XKR4: variants seen among roughly 807,000 people sequenced by gnomAD.
The protein encoded by XKR4 is XK related 4, also known as XK-related protein 4.
Under a neutral mutation model 53.9 loss-of-function variants are expected in XKR4, and 12 were observed. The ratio of observed to expected loss-of-function variants is 0.22; its 90% confidence interval spans 0.14 to 0.36. The LOEUF (loss-of-function observed/expected upper bound fraction) is 0.36. XKR4 is among the 10% of genes least tolerant of loss of function. The probability of loss-of-function intolerance (pLI) is 1.00; values close to 1 mark genes in which losing one functional copy is unlikely to be tolerated. For synonymous variants in XKR4, 354 were observed against 362.4 expected (o/e 0.98, Z 0.26); for missense variants, 799 against 859.5 (o/e 0.93, Z 0.88).
At chr8:55,375,902 CCA>C (rs1210310508) in intron 2 of XKR4, among the ~76,000 whole-genome samples, 6 of 151,968 alleles carry the variant, frequency 3.9e-5, no homozygotes, top group Non-Finnish European at 8.8e-5. Flanking sequence ...CTAACAGGCC[CCA>C]GTGTGTGTTG....
In XKR4 at chr8:55,231,201, T is replaced by C. The variant is rs118176295; in HGVS notation, c.807-126477T>C. Among the ~76,000 whole-genome samples, 816 of 152,360 alleles carry C rather than the reference T, an allele frequency of 5.4e-3. 6 individuals carry two copies. The highest frequency in any genetic ancestry group is 9.7e-3 in the Non-Finnish European group (659 of 68,026). On this transcript the variant is annotated intron_variant, in intron 1 of 2. Transcript: ENST00000327381. Reference sequence around the variant, plus strand: ...GTCTCATAAACTCAAAATTAAAATATTGAGGCTTATAGGCAAGCATTTATC... The same window carrying C: ...GTCTCATAAACTCAAAATTAAAATACTGAGGCTTATAGGCAAGCATTTATC...
At chr8:55,346,559 A>C (rs1585531924) in intron 1 of XKR4, among the ~76,000 whole-genome samples, 1 of 152,244 alleles carries the variant, frequency 6.6e-6, no homozygotes, top group East Asian at 1.9e-4. Context: ...AGAAGGCAGA[A>C]GCCTAATATC....
Position 55,256,676 on chromosome 8 carries a change from G to A in XKR4, c.807-101002G>A, listed in dbSNP as rs527688984. On this transcript the variant is annotated intron_variant, in intron 1 of 2. Transcript: ENST00000327381. Reference sequence around the variant, plus strand: ...TAGGGGGATGAGGCAAGTCTGAGATGCCTACTAAATGCTAAAGGTGGTGGA... The same window carrying A: ...TAGGGGGATGAGGCAAGTCTGAGATACCTACTAAATGCTAAAGGTGGTGGA... Among the ~76,000 whole-genome samples, 14 of 152,282 alleles carry A rather than the reference G, an allele frequency of 9.2e-5. No homozygotes were observed. The South Asian group carries it at 2.9e-3, about 32-fold the overall frequency.
intron 1 of XKR4, among the ~76,000 whole-genome samples, chr8:55,112,399 T>C (rs1196621821): frequency 6.6e-6 from 1 of 152,020 alleles, no homozygotes; most frequent in Non-Finnish European, 1.5e-5. Context: ...TGGTTTGACT[T>C]CCCCTCAAGT....
intron 1 of XKR4, among the ~76,000 whole-genome samples, chr8:55,230,038 G>A (rs16921461): frequency 0.26 from 39,741 of 151,950 alleles, 5,539 homozygotes; most frequent in East Asian, 0.49. Flanking sequence ...CTCTATGTGG[G>A]TTGTGTTGCA....
rs1806892062 is a variant in XKR4, at chr8:55,527,200, A to T, written c.*2973A>T. 6.9e-6 allele frequency: 1 copy of T among 144,254 alleles called. No individual in the cohort carries two copies. Among genetic ancestry groups the T allele is most frequent in the Non-Finnish European group, 1.6e-5 (1 of 63,710 alleles). 8.9% of individuals were successfully genotyped at this position (144,254 alleles called of 1,614,324 possible). A position where few individuals can be genotyped will look rare whatever the true frequency, so the allele number is the denominator to read the frequency against. On this transcript the variant is annotated 3_prime_UTR_variant, in exon 3 of 3. Coordinates refer to ENST00000327381, the MANE Select transcript of XKR4 (RefSeq NM_052898.2). ...ATTTAAAGAGACATCATCAGTGTAC[A>T]AAGAAACAAAGTTTCATTTTTGTAT...
chr8:55,108,295 A>G (rs1816183264), intron 1 of XKR4, among the ~76,000 whole-genome samples: 1 of 152,170 alleles, frequency 6.6e-6, no homozygotes, highest in Non-Finnish European at 1.5e-5. Flanking sequence ...GTTGGGCCAG[A>G]TAATGAAAGG....
chr8:55,436,381 A>G (rs1369005723), intron 2 of XKR4, among the ~76,000 whole-genome samples: 1 of 152,200 alleles, frequency 6.6e-6, no homozygotes, highest in African/African-American at 2.4e-5. Context: ...TTAAGGAAAG[A>G]GGAATTTAAA....
At chr8:55,453,802 G>T in intron 2 of XKR4, 1 of 448,950 alleles carries the variant, frequency 2.2e-6, no homozygotes, top group East Asian at 5.7e-5. Flanking sequence ...GGACTCATTG[G>T]GGGTGGTTCT....
intron 1 of XKR4, among the ~76,000 whole-genome samples, chr8:55,104,297 G>C (rs1277698910): frequency 6.6e-6 from 1 of 152,088 alleles, no homozygotes; most frequent in Non-Finnish European, 1.5e-5. Flanking sequence ...TTATATGGAA[G>C]TCTATAGATT....
chr8:55,283,567 C>A (rs771341158), intron 1 of XKR4, among the ~76,000 whole-genome samples: 5 of 152,154 alleles, frequency 3.3e-5, no homozygotes, highest in Admixed American at 3.3e-4. Context: ...AATGAGCACT[C>A]GAATAGAAAC....
At chr8:55,463,944 A>C (rs2129398607) in intron 2 of XKR4, among the ~76,000 whole-genome samples, 1 of 152,298 alleles carries the variant, frequency 6.6e-6, no homozygotes, top group East Asian at 1.9e-4. Context: ...TGAATCTCTG[A>C]ATAGACCAAT....
chr8:55,285,052 A>T (rs1818890951), intron 1 of XKR4, among the ~76,000 whole-genome samples: 1 of 152,218 alleles, frequency 6.6e-6, no homozygotes, highest in Admixed American at 6.5e-5. Flanking sequence ...ACCAGCTCAG[A>T]TCATATCACA....
At chr8:55,223,607 C>A (rs544706448) in intron 1 of XKR4, among the ~76,000 whole-genome samples, 12 of 152,246 alleles carry the variant, frequency 7.9e-5, no homozygotes, top group African/African-American at 2.9e-4. Context: ...GTTGAAATTC[C>A]TCTAAATGTT....
At chr8:55,456,821 C>A (rs747723568) in intron 2 of XKR4, among the ~76,000 whole-genome samples, 5 of 151,606 alleles carry the variant, frequency 3.3e-5, no homozygotes, top group Non-Finnish European at 7.4e-5. Flanking sequence ...AAATAAGGGT[C>A]TCAGAAGTAA....
At chr8:55,317,188 T>C (rs891554604) in intron 1 of XKR4, among the ~76,000 whole-genome samples, 1 of 152,224 alleles carries the variant, frequency 6.6e-6, no homozygotes, top group Non-Finnish European at 1.5e-5. Context: ...GATTTTATAA[T>C]CACTCATGTG....
chr8:55,305,897 A>C (rs982617288), intron 1 of XKR4, among the ~76,000 whole-genome samples: 3 of 152,204 alleles, frequency 2.0e-5, no homozygotes, highest in African/African-American at 7.2e-5. Context: ...AAAAGCTTTA[A>C]ATTCTTAATT....
At chr8:55,288,246 TC>T (rs1236410992) in intron 1 of XKR4, among the ~76,000 whole-genome samples, 6 of 152,210 alleles carry the variant, frequency 3.9e-5, no homozygotes, top group Admixed American at 1.3e-4. Context: ...AGATTGCAAT[TC>T]GGCTTTCAAG....
chr8:55,272,590 C>G (rs1334422620), intron 1 of XKR4, among the ~76,000 whole-genome samples: 1 of 152,192 alleles, frequency 6.6e-6, no homozygotes, highest in African/African-American at 2.4e-5. Context: ...AGCCTGCCCC[C>G]AGATCTGCCT....
Sources: allele counts gnomAD v4.1 joint callset (sites outside exome capture counted in the v4.1 genomes callset), GRCh38; gene constraint gnomAD v4.1.1; transcripts MANE v1.5; gene names NCBI Gene and HGNC (gene_info 2026-07-23, HGNC 2026-07-21).